Variants in GALNT18 observed in about 807,000 individuals in gnomAD.
GALNT18 encodes polypeptide N-acetylgalactosaminyltransferase 18, also known as GalNAc-transferase 18.
In GALNT18, 44 loss-of-function variants were observed where a neutral mutation model predicts 69.5. The ratio of observed to expected loss-of-function variants is 0.63; its 90% CI spans 0.50 to 0.81. The LOEUF is 0.81. GALNT18 is among the 40% of genes least tolerant of loss of function. The probability of loss-of-function intolerance (pLI) is 0.00; values close to 1 mark genes in which losing one functional copy is unlikely to be tolerated. For synonymous variants in GALNT18, 364 were observed against 318.2 expected, an observed-to-expected ratio of 1.14 and a Z score of -1.53; for missense variants, 715 against 810.0, an observed-to-expected ratio of 0.88 and a Z score of 1.42.
At chr11:11,282,246 G>A (rs1849096111) in intron 10 of GALNT18, among the ~76,000 whole-genome samples, 1 of 152,042 alleles carries the variant, frequency 6.6e-6, no homozygotes, top group South Asian at 2.1e-4. Context: ...CACACTCAGT[G>A]CCTTCCTGGG....
intron 8 of GALNT18, among the ~76,000 whole-genome samples, chr11:11,329,740 T>A (rs1849987409): frequency 6.6e-6 from 1 of 151,662 alleles, no homozygotes; most frequent in Non-Finnish European, 1.5e-5. Context: ...ACTCGTGGAG[T>A]GGGTGAGTGA....
At chr11:11,412,138 G>T (rs750348572) in intron 3 of GALNT18, among the ~76,000 whole-genome samples, 3 of 152,050 alleles carry the variant, frequency 2.0e-5, no homozygotes, top group Admixed American at 2.0e-4. Context: ...TGGTATGTGG[G>T]GTGCCAAGGG....
At chr11:11,468,249 A>T (rs1856193456) in intron 1 of GALNT18, among the ~76,000 whole-genome samples, 1 of 152,156 alleles carries the variant, frequency 6.6e-6, no homozygotes, top group Non-Finnish European at 1.5e-5. Context: ...CCTCATCTGA[A>T]CGTCATAATG....
chr11:11,450,692 C>G (rs1391501161), intron 1 of GALNT18, among the ~76,000 whole-genome samples: 1 of 152,242 alleles, frequency 6.6e-6, no homozygotes, highest in Non-Finnish European at 1.5e-5. Flanking sequence ...TTGGGATAAC[C>G]ATCAGAGCTA....
At chr11:11,471,412 T>C (rs1856266609) in intron 1 of GALNT18, among the ~76,000 whole-genome samples, 1 of 152,214 alleles carries the variant, frequency 6.6e-6, no homozygotes, top group South Asian at 2.1e-4. Flanking sequence ...CCTGACATAG[T>C]ATTGTTCTGG....
rs532330062 is a variant in GALNT18 at position 11,322,413 on chromosome 11, A to T, written c.1512+4673T>A. Among the ~76,000 whole-genome samples, 25 of 152,364 alleles carry T rather than the reference A, an allele frequency of 1.6e-4. No homozygotes were observed. The East Asian group carries it at 2.5e-3, about 15-fold the overall frequency. On this transcript the variant is annotated intron_variant, in intron 9 of 10. Transcript: ENST00000227756. ...AGACAAAACATTCAACATTTGTCCA[A>T]TGGTCCAGATAAGATCACAGGTGTC...
chr11:11,615,959 A>G (rs1860034450), intron 1 of GALNT18, among the ~76,000 whole-genome samples: 2 of 152,254 alleles, frequency 1.3e-5, no homozygotes, highest in Admixed American at 6.5e-5. Flanking sequence ...TTTGTAAAAT[A>G]CACAAATCAC....
chr11:11,418,214 G>C (rs1854911060), intron 3 of GALNT18, among the ~76,000 whole-genome samples: 2 of 152,220 alleles, frequency 1.3e-5, no homozygotes, highest in African/African-American at 4.8e-5. Flanking sequence ...AGCATCGGGT[G>C]AGGCTTTGTA....
At chr11:11,295,624 C>T (rs1849386358) in intron 9 of GALNT18, among the ~76,000 whole-genome samples, 1 of 151,992 alleles carries the variant, frequency 6.6e-6, no homozygotes, top group East Asian at 1.9e-4. Flanking sequence ...ATAACGTCAG[C>T]CTCTCAGGGT....
chr11:11,410,765 C>A (rs1411910633), intron 3 of GALNT18, among the ~76,000 whole-genome samples: 1 of 152,212 alleles, frequency 6.6e-6, no homozygotes, highest in African/African-American at 2.4e-5. Flanking sequence ...TGGCTCCTGT[C>A]TCCTGTCTTA....
chr11:11,514,333 T>C (rs7935113), intron 1 of GALNT18, among the ~76,000 whole-genome samples: 24,464 of 152,198 alleles, frequency 0.16, 2,162 homozygotes, highest in South Asian at 0.22. Context: ...AGGCTCCCCA[T>C]TTGGAATAGC....
intron 1 of GALNT18, among the ~76,000 whole-genome samples, chr11:11,550,735 G>A (rs1354888177): frequency 6.6e-6 from 1 of 152,184 alleles, no homozygotes; most frequent in Non-Finnish European, 1.5e-5. Context: ...GTCCAAGGTG[G>A]TAGCCACCCA....
At chr11:11,484,959 T>C (rs1270739057) in intron 1 of GALNT18, among the ~76,000 whole-genome samples, 4 of 152,190 alleles carry the variant, frequency 2.6e-5, no homozygotes, top group Non-Finnish European at 4.4e-5. Flanking sequence ...CCATGATTAA[T>C]CCCAGCTCTG....
chr11:11,569,207 A>G (rs1464096424), intron 1 of GALNT18, among the ~76,000 whole-genome samples: 1 of 146,202 alleles, frequency 6.8e-6, no homozygotes, highest in African/African-American at 2.5e-5. Context: ...AGCTTCCTCT[A>G]TTTCTCCAAG....
At position 11,586,074 on chromosome 11, in the gene GALNT18, C is replaced by T. The variant is rs1447123169; in HGVS notation, c.235+35285G>A. Among the ~76,000 whole-genome samples, 2 of 152,108 alleles carry T rather than the reference C, an allele frequency of 1.3e-5. No individual in the cohort carries two copies. The highest frequency in any genetic ancestry group is 1.9e-4 in the East Asian group (1 of 5,188). On this transcript the variant is annotated intron_variant, in intron 1 of 10. Coordinates refer to ENST00000227756, the MANE Select transcript of GALNT18 (RefSeq NM_198516.3). The surrounding 1 kb of genome is among the most constrained non-coding windows in gnomAD (Gnocchi z 4.1). The stretch of plus-strand genomic sequence containing the variant: ...CTGTGAACCCGGCAGTGGGCCCTTA[C>T]CAAATGCTGAATCTGCTGGCCCCTT...
chr11:11,295,461 G>T (rs563794105), intron 9 of GALNT18, among the ~76,000 whole-genome samples: 42 of 152,248 alleles, frequency 2.8e-4, no homozygotes, highest in African/African-American at 1.0e-3. Context: ...GAAAAGTCAT[G>T]GAGAGAAAGC....
In GALNT18 at chr11:11,496,498, A is replaced by G. The variant is rs1856868500; in HGVS notation, c.236-47562T>C. On this transcript the variant is annotated intron_variant, in intron 1 of 10. Coordinates refer to ENST00000227756, the MANE Select transcript of GALNT18 (RefSeq NM_198516.3). The surrounding 1 kb of genome is among the most constrained non-coding windows in gnomAD (Gnocchi z 4.0). Reference sequence around the variant, plus strand: ...GGGCATGCTGGAAAAATAAAACAGAAGATGGTTCTTAGGAAAAGATTTCCT... The same window carrying G: ...GGGCATGCTGGAAAAATAAAACAGAGGATGGTTCTTAGGAAAAGATTTCCT... 6.6e-6 allele frequency among the ~76,000 whole-genome samples: 1 copy of G among 152,216 alleles called. No individual in the cohort carries two copies. Among genetic ancestry groups the G allele is most frequent in the South Asian group, 2.1e-4 (1 of 4,832 alleles).
At chr11:11,452,249 T>C (rs1855817066) in intron 1 of GALNT18, among the ~76,000 whole-genome samples, 1 of 152,244 alleles carries the variant, frequency 6.6e-6, no homozygotes, top group Non-Finnish European at 1.5e-5. Context: ...TCCTAGGGTT[T>C]ATCCTCCAGC....
At chr11:11,521,409 C>A (rs911601627) in intron 1 of GALNT18, among the ~76,000 whole-genome samples, 3 of 152,104 alleles carry the variant, frequency 2.0e-5, no homozygotes, top group African/African-American at 7.2e-5. Context: ...TAGACTCACT[C>A]CTCATCCCTC....
Sources: allele counts gnomAD v4.1 joint callset (sites outside exome capture counted in the v4.1 genomes callset), GRCh38; gene constraint gnomAD v4.1.1; non-coding constraint Gnocchi (gnomAD v3.1); transcripts MANE v1.5; gene names NCBI Gene and HGNC (gene_info 2026-07-23, HGNC 2026-07-21).